CCDC171: variants seen among roughly 807,000 people sequenced by gnomAD.
The protein encoded by CCDC171 is coiled-coil domain-containing protein 171.
CCDC171 carries 177 observed loss-of-function variants against 168.2 expected under a neutral mutation model. The ratio of observed to expected loss-of-function variants is 1.05; its 90% CI spans 0.93 to 1.19. CCDC171 has a LOEUF of 1.19. Among genes scored for constraint, CCDC171 ranks in the 50% most tolerant of loss-of-function variants. The pLI is 0.00. For synonymous variants in CCDC171, 687 were observed against 540.8 expected, an observed-to-expected ratio of 1.27 and a Z score of -3.75; for missense variants, 1,991 against 1,539.0, an observed-to-expected ratio of 1.29 and a Z score of -4.91.
intron 11 of CCDC171, among the ~76,000 whole-genome samples, chr9:15,697,328 C>T (rs1001046659): frequency 6.6e-6 from 1 of 152,122 alleles, no homozygotes; most frequent in Non-Finnish European, 1.5e-5. Context: ...TATTAGTTTT[C>T]TACTCTTGCT....
intron 9 of CCDC171, among the ~76,000 whole-genome samples, chr9:15,668,777 C>T (rs1013174463): frequency 2.0e-5 from 3 of 151,990 alleles, no homozygotes; most frequent in Non-Finnish European, 4.4e-5. Context: ...GACCATACTT[C>T]AGAATCATCT....
At chr9:15,718,379 C>T (rs2053227879) in intron 11 of CCDC171, among the ~76,000 whole-genome samples, 1 of 152,228 alleles carries the variant, frequency 6.6e-6, no homozygotes, top group Admixed American at 6.5e-5. Context: ...ATCTCTGGAT[C>T]TTCCCAGGAC....
intron 6 of CCDC171, among the ~76,000 whole-genome samples, chr9:15,595,368 A>G (rs1038726535): frequency 3.9e-5 from 6 of 152,088 alleles, no homozygotes; most frequent in African/African-American, 1.4e-4. Context: ...CTCACTGTTC[A>G]ATTCCCACCT....
At chr9:16,050,814 AC>A (rs1352350164) in intron 1 of CCDC171, among the ~76,000 whole-genome samples, 1 of 152,164 alleles carries the variant, frequency 6.6e-6, no homozygotes, top group Non-Finnish European at 1.5e-5. Flanking sequence ...TGTGGTAGTA[AC>A]CCCTCAAAGT....
At chr9:15,684,154 A>T (rs2050225260) in intron 10 of CCDC171, among the ~76,000 whole-genome samples, 1 of 152,126 alleles carries the variant, frequency 6.6e-6, no homozygotes, top group Non-Finnish European at 1.5e-5. Context: ...TGTGAGGGTA[A>T]AAGTATGTAA....
intron 16 of CCDC171, among the ~76,000 whole-genome samples, chr9:15,744,063 A>G (rs1377797347): frequency 1.3e-5 from 2 of 152,226 alleles, no homozygotes; most frequent in Non-Finnish European, 2.9e-5. Context: ...ATGTGAGAGG[A>G]TTTAAAAATC....
At chr9:15,906,193 T>C (rs1822574380) in intron 24 of CCDC171, among the ~76,000 whole-genome samples, 1 of 152,194 alleles carries the variant, frequency 6.6e-6, no homozygotes, top group Non-Finnish European at 1.5e-5. Context: ...ATCATCCTGA[T>C]ACCAAAGCCT....
At chr9:15,624,997 G>T (rs1415948520) in intron 7 of CCDC171, among the ~76,000 whole-genome samples, 1 of 152,152 alleles carries the variant, frequency 6.6e-6, no homozygotes, top group Non-Finnish European at 1.5e-5. Flanking sequence ...ACTTTTTAAT[G>T]ATTGCCATTC....
chr9:15,975,141 T>G (rs1831581666), downstream of CCDC171, among the ~76,000 whole-genome samples: 1 of 152,200 alleles, frequency 6.6e-6, no homozygotes, highest in Non-Finnish European at 1.5e-5. Context: ...GCAACTGTTT[T>G]ATGCCAGTTA....
chr9:15,931,058 T>C (rs1013474428), intron 25 of CCDC171, among the ~76,000 whole-genome samples: 2 of 151,804 alleles, frequency 1.3e-5, no homozygotes, highest in Non-Finnish European at 2.9e-5. Flanking sequence ...GGAGTGCAGC[T>C]ATCTCTTTGA....
chr9:15,635,716 A>G (rs1219242852), intron 7 of CCDC171, among the ~76,000 whole-genome samples: 1 of 151,886 alleles, frequency 6.6e-6, no homozygotes, highest in East Asian at 1.9e-4. Flanking sequence ...TGTTGTTTCC[A>G]CTCTTTCAGC....
intron 3 of CCDC171, among the ~76,000 whole-genome samples, chr9:16,007,811 A>G (rs189719101): frequency 7.2e-5 from 11 of 152,318 alleles, no homozygotes; most frequent in Admixed American, 6.5e-4. Context: ...TGGTAACAGT[A>G]CCATGCTGTT....
intron 14 of CCDC171, 24 bp from the exon 15 acceptor site, chr9:15,727,845 A>G: frequency 1.9e-6 from 3 of 1,586,650 alleles, no homozygotes; most frequent in Non-Finnish European, 1.7e-6. Flanking sequence ...ACAGCAATTA[A>G]TTTTTCTTTT....
At chr9:15,607,465 C>CT (rs994958542) in intron 6 of CCDC171, among the ~76,000 whole-genome samples, 123 of 149,618 alleles carry the variant, frequency 8.2e-4, no homozygotes, top group African/African-American at 2.6e-3. Flanking sequence ...ATATTTTTCA[C>CT]TTTTTTTTTT....
chr9:15,611,849 G>A (rs976514382), intron 6 of CCDC171, among the ~76,000 whole-genome samples: 18 of 152,222 alleles, frequency 1.2e-4, no homozygotes, highest in African/African-American at 4.3e-4. Flanking sequence ...TTTTGCTAGG[G>A]TCTGGATGTT....
At chr9:15,806,026 G>A (rs1428451266) in intron 21 of CCDC171, among the ~76,000 whole-genome samples, 1 of 152,056 alleles carries the variant, frequency 6.6e-6, no homozygotes, top group African/African-American at 2.4e-5. Flanking sequence ...TTAGTCTAAA[G>A]TCTGTTTTGT....
chr9:15,874,698 C>T (rs545359086), intron 24 of CCDC171, 35 bp downstream of exon 24: 1 of 1,478,608 alleles, frequency 6.8e-7, no homozygotes, highest in Non-Finnish European at 9.0e-7. Context: ...GCTACTGAGA[C>T]ATATAGAAAA....
intron 3 of CCDC171, among the ~76,000 whole-genome samples, chr9:15,980,876 C>T (rs1831774129): frequency 7.6e-6 from 1 of 132,154 alleles, no homozygotes; most frequent in South Asian, 2.8e-4. Context: ...TAAAGACATA[C>T]CAGAGACTGA....
intron 23 of CCDC171, among the ~76,000 whole-genome samples, chr9:15,849,868 A>G (rs1161850910): frequency 2.6e-5 from 4 of 151,898 alleles, no homozygotes; most frequent in Non-Finnish European, 5.9e-5. Flanking sequence ...ATGCATTTTA[A>G]CATTTTAAAA....
Sources: gnomAD v4.1 joint callset for allele counts (sites outside exome capture counted in the v4.1 genomes callset) on GRCh38, gnomAD v4.1.1 for gene constraint, MANE v1.5 for transcripts, NCBI Gene and HGNC (gene_info 2026-07-23, HGNC 2026-07-21) for gene names.